Variants in PTPRT observed in about 807,000 individuals in gnomAD.
The protein encoded by PTPRT is protein tyrosine phosphatase receptor type T.
A neutral mutation model predicts 176.8 loss-of-function variants in PTPRT; 56 were observed. The ratio of observed to expected loss-of-function variants is 0.32; its 90% CI spans 0.26 to 0.40. PTPRT has a LOEUF of 0.40. PTPRT is among the 10% of genes least tolerant of loss of function. The pLI, the probability that PTPRT is intolerant of heterozygous loss-of-function variation, is 1.00. For synonymous variants in PTPRT, 783 were observed against 739.0 expected (o/e 1.06, Z -0.96); for missense variants, 1,540 against 1,908.2 (o/e 0.81, Z 3.60).
At chr20:42,247,661 C>A (rs1199120202) in intron 14 of PTPRT, among the ~76,000 whole-genome samples, 1 of 152,068 alleles carries the variant, frequency 6.6e-6, no homozygotes, top group African/African-American at 2.4e-5. Flanking sequence ...GGGAGCAGGG[C>A]ACAATACACC....
At chr20:43,110,407 A>G (rs555230306) in intron 1 of PTPRT, among the ~76,000 whole-genome samples, 5 of 152,326 alleles carry the variant, frequency 3.3e-5, no homozygotes, top group Admixed American at 1.3e-4. Context: ...CAAATTAACC[A>G]TATCCAAATG....
At chr20:42,159,030 A>G (rs1052406115) in intron 17 of PTPRT, among the ~76,000 whole-genome samples, 13 of 152,112 alleles carry the variant, frequency 8.5e-5, no homozygotes, top group African/African-American at 3.1e-4. Context: ...AGTCAAATAC[A>G]CTTGTAATTC....
At chr20:42,835,920 G>A (rs889899594) in intron 2 of PTPRT, among the ~76,000 whole-genome samples, 2 of 152,054 alleles carry the variant, frequency 1.3e-5, no homozygotes, top group Non-Finnish European at 2.9e-5. Context: ...TTAGAAAGTG[G>A]GGATTTCAGG....
At chr20:42,156,215 C>T (rs1320397298) in intron 17 of PTPRT, among the ~76,000 whole-genome samples, 11 of 152,176 alleles carry the variant, frequency 7.2e-5, no homozygotes, top group Non-Finnish European at 1.6e-4. Flanking sequence ...GTTAATGCAT[C>T]CCACCCCCAA....
At chr20:42,880,989 CT>C (rs1429269588) in intron 2 of PTPRT, among the ~76,000 whole-genome samples, 2 of 152,246 alleles carry the variant, frequency 1.3e-5, no homozygotes, top group African/African-American at 2.4e-5. Context: ...TGAAAAGCCT[CT>C]CTGGCCTGTC....
At chr20:42,363,117 A>AAG (rs1167005949) in intron 9 of PTPRT, among the ~76,000 whole-genome samples, 1 of 146,892 alleles carries the variant, frequency 6.8e-6, no homozygotes, top group East Asian at 2.0e-4. Flanking sequence ...AAAAAAAAAA[A>AAG]AAAAAAAAAG....
At chr20:42,966,860 T>C (rs1982325376) in intron 1 of PTPRT, among the ~76,000 whole-genome samples, 1 of 152,254 alleles carries the variant, frequency 6.6e-6, no homozygotes, top group Non-Finnish European at 1.5e-5. Context: ...ATTGTTTCAG[T>C]GTACCTGCGG....
At chr20:42,081,200 TA>T (rs1415948088) in intron 30 of PTPRT, among the ~76,000 whole-genome samples, 1 of 152,178 alleles carries the variant, frequency 6.6e-6, no homozygotes, top group African/African-American at 2.4e-5. Context: ...TCTCAAACTG[TA>T]ACGTGCATAC....
chr20:42,156,617 G>A (rs1329753686), intron 17 of PTPRT, among the ~76,000 whole-genome samples: 2 of 152,314 alleles, frequency 1.3e-5, no homozygotes, highest in East Asian at 3.9e-4. Flanking sequence ...ACTACTGATT[G>A]TTCCAGCTCT....
chr20:42,511,733 AT>A (rs112820178), intron 7 of PTPRT, among the ~76,000 whole-genome samples: 140 of 144,456 alleles, frequency 9.7e-4, no homozygotes, highest in Middle Eastern at 3.5e-3. Context: ...TAAACACCCT[AT>A]TTTTTTTTTT....
intron 7 of PTPRT, among the ~76,000 whole-genome samples, chr20:42,474,427 C>T (rs374547227): frequency 1.3e-5 from 2 of 152,160 alleles, no homozygotes; most frequent in East Asian, 3.9e-4. Context: ...CAGAGCTGCC[C>T]ACGTGGCTGC....
intron 8 of PTPRT, among the ~76,000 whole-genome samples, chr20:42,463,749 TG>T (rs1448420052): frequency 1.3e-5 from 2 of 152,170 alleles, no homozygotes; most frequent in Admixed American, 6.5e-5. Flanking sequence ...GAGTTTCCCT[TG>T]ATACTTGTCT....
At chr20:42,997,521 C>T (rs549953271) in intron 1 of PTPRT, among the ~76,000 whole-genome samples, 8 of 152,254 alleles carry the variant, frequency 5.3e-5, no homozygotes, top group African/African-American at 1.9e-4. Flanking sequence ...TTCCAGCCCT[C>T]AAACTGTCCC....
chr20:42,062,276 G>A, the PTPRT span, among the ~76,000 whole-genome samples: 1 of 152,114 alleles, frequency 6.6e-6, no homozygotes, highest in Non-Finnish European at 1.5e-5. Context: ...GAGATCAACC[G>A]CATTTGTCAG....
At chr20:42,693,177 C>T (rs1474166743) in intron 6 of PTPRT, among the ~76,000 whole-genome samples, 2 of 152,156 alleles carry the variant, frequency 1.3e-5, no homozygotes, top group African/African-American at 4.8e-5. Context: ...TATTCTTCTT[C>T]ACTGAAAACT....
chr20:42,667,067 G>T (rs1156537357), intron 7 of PTPRT, among the ~76,000 whole-genome samples: 2 of 152,176 alleles, frequency 1.3e-5, no homozygotes, highest in Non-Finnish European at 1.5e-5. Flanking sequence ...GAGAGGCTCA[G>T]ATGATTTTTA....
chr20:42,097,568 A>G (rs1284567025), intron 27 of PTPRT, among the ~76,000 whole-genome samples: 1 of 152,176 alleles, frequency 6.6e-6, no homozygotes, highest in Non-Finnish European at 1.5e-5. Context: ...ACACAGCCAC[A>G]TGAGGTTGGG....
intron 1 of PTPRT, among the ~76,000 whole-genome samples, chr20:43,140,443 AGTGTGTGTGTGTGTGTGTGT>A (rs6147356): frequency 0.41 from 59,943 of 146,832 alleles, 13,496 homozygotes; most frequent in Non-Finnish European, 0.51. Flanking sequence ...ACCTCTGGGT[AGTGTGTGTGTGTGTGTGTGT>A]GTGTGTGTGT....
intron 17 of PTPRT, among the ~76,000 whole-genome samples, chr20:42,156,545 C>G (rs2146482787): frequency 6.6e-6 from 1 of 152,352 alleles, no homozygotes; most frequent in Non-Finnish European, 1.5e-5. Flanking sequence ...CAACTACCTT[C>G]TTGCCACCAC....
Sources: allele counts gnomAD v4.1 joint callset (sites outside exome capture counted in the v4.1 genomes callset), GRCh38; gene constraint gnomAD v4.1.1; transcripts MANE v1.5; gene names NCBI Gene and HGNC (gene_info 2026-07-23, HGNC 2026-07-21).